LFNG: variants seen among roughly 807,000 people sequenced by gnomAD.
The protein encoded by LFNG is beta-1,3-N-acetylglucosaminyltransferase lunatic fringe.
LFNG carries 15 observed loss-of-function variants against 32.7 expected under a neutral mutation model. The observed-to-expected ratio is 0.46, with a 90% CI of 0.31 to 0.71. The LOEUF (loss-of-function observed/expected upper bound fraction) is 0.71, where lower values mean the gene tolerates loss of function less well. LFNG is among the 30% of genes least tolerant of loss of function. The pLI, the probability that LFNG is intolerant of heterozygous loss-of-function variation, is 0.06. For missense variants in LFNG, 520 were observed against 545.7 expected (o/e 0.95, Z 0.47); for synonymous variants, 274 against 246.8 (o/e 1.11, Z -1.03).
chr7:2,524,772 G>A, intron 2 of LFNG, 29 bp downstream of exon 2: 1 of 1,559,764 alleles, frequency 6.4e-7, no homozygotes, highest in Non-Finnish European at 8.7e-7. Flanking sequence ...GCGGGAGGGG[G>A]CCCAGGCCTC....
At chr7:2,521,133 G>T (rs1353425046) in intron 1 of LFNG, among the ~76,000 whole-genome samples, 1 of 152,148 alleles carries the variant, frequency 6.6e-6, no homozygotes, top group East Asian at 1.9e-4. Flanking sequence ...CTCAAACCCC[G>T]GAGACCCAGG....
In LFNG at chr7:2,519,858, C is replaced by A; in HGVS notation, c.-4C>A. The A allele has an allele frequency of 9.1e-7, 1 of 1,095,362 alleles. No homozygotes were observed. The highest frequency in any genetic ancestry group is 6.0e-5 in the East Asian group (1 of 16,710). The allele number at this position is 1,095,362 out of a possible 1,614,324, so 67.9% of individuals were successfully genotyped here. A position where few individuals can be genotyped will look rare whatever the true frequency, so the allele number is the denominator to read the frequency against. On this transcript the variant is annotated 5_prime_UTR_variant, in exon 1 of 8. Transcript: ENST00000222725. ...AGGGCGCGCCGCGCGGCCGCCACCC[C>A]ACCATGCTCAAGCGCTGCGGCCGGC...
upstream of LFNG, among the ~76,000 whole-genome samples, chr7:2,516,207 C>A (rs923158362): frequency 7.2e-5 from 11 of 152,256 alleles, no homozygotes; most frequent in African/African-American, 2.7e-4. Context: ...GAGTTTCCAT[C>A]TCTGGGCACT....
chr7:2,528,051 G>T lies in LFNG; in HGVS notation c.*839G>T. The T allele has an allele frequency of 1.1e-6, 1 of 888,090 alleles. No individual in the cohort carries two copies. Among genetic ancestry groups the T allele is most frequent in the Non-Finnish European group, 1.3e-6 (1 of 767,720 alleles). The allele number at this position is 888,090 out of a possible 1,614,324, so 55.0% of individuals were successfully genotyped here. A position where few individuals can be genotyped will look rare whatever the true frequency, so the allele number is the denominator to read the frequency against. On this transcript the variant is annotated 3_prime_UTR_variant, in exon 8 of 8. Transcript: ENST00000222725. ...AAAGGGGATGGGTAAAAAGTAGGGT[G>T]TTCTTGTTTTTTGCTTGGGAGGGTG...
rs1201303882 is a variant in LFNG, at chr7:2,525,771, G to A, written c.821+1G>A. The A allele has an allele frequency of 1.2e-6, 2 of 1,610,814 alleles. No individual in the cohort carries two copies. The highest frequency in any genetic ancestry group is 8.5e-7 in the Non-Finnish European group (1 of 1,179,666). On this transcript the variant is annotated splice_donor_variant, in intron 5 of 7. Transcript: ENST00000222725. LOFTEE classifies it high-confidence loss of function. ...CTCTGAAGATGAGCCCGTGGGCCAG[G>A]TGAGTGCCCTGCACAGGTTAGGCCA...
upstream of LFNG, among the ~76,000 whole-genome samples, chr7:2,515,233 A>ATTCAT (rs1779601105): frequency 3.1e-5 from 4 of 128,656 alleles, no homozygotes; most frequent in African/African-American, 1.4e-4. Context: ...CATCCATCCA[A>ATTCAT]CCATCCATCC....
At position 2,528,303 on chromosome 7, in the gene LFNG, T is replaced by G; in HGVS notation, c.*1091T>G. The G allele has an allele frequency of 2.0e-6, 2 of 986,084 alleles. No individual in the cohort carries two copies. The highest frequency in any genetic ancestry group is 2.3e-4 in the East Asian group (2 of 8,814). The allele number at this position is 986,084 out of a possible 1,614,324, so 61.1% of individuals were successfully genotyped here. A position where few individuals can be genotyped will look rare whatever the true frequency, so the allele number is the denominator to read the frequency against. ...CACCTGTCCCGTGGGCTGTGTTTCT[T>G]GTTGTTTTTCTCTTTGCAAAGACAT... is the stretch of plus-strand genomic sequence containing the variant. On this transcript the variant is annotated 3_prime_UTR_variant, in exon 8 of 8. Coordinates refer to ENST00000222725, the MANE Select transcript of LFNG (RefSeq NM_001040167.2).
chr7:2,525,611 C>T, intron 4 of LFNG, 44 bp downstream of exon 4: 3 of 1,612,058 alleles, frequency 1.9e-6, no homozygotes, highest in Non-Finnish European at 2.5e-6. Context: ...ACGCGGAGCG[C>T]ACACCCGGAG....
upstream of LFNG, among the ~76,000 whole-genome samples, chr7:2,517,428 C>A (rs997591175): frequency 3.3e-5 from 5 of 152,054 alleles, no homozygotes; most frequent in African/African-American, 1.2e-4. Flanking sequence ...ATGCATGTGC[C>A]CCTGCCAGGC....
At chr7:2,517,242 G>T (rs111518842), upstream of LFNG, among the ~76,000 whole-genome samples, 2 of 152,138 alleles carry the variant, frequency 1.3e-5, no homozygotes, top group Non-Finnish European at 2.9e-5. Flanking sequence ...AAGTCACCAC[G>T]AAATTCCATT....
At chr7:2,512,759 C>T (rs955076393) in intron 1 of LFNG, 15 of 1,533,900 alleles carry the variant, frequency 9.8e-6, no homozygotes, top group African/African-American at 4.1e-5. Flanking sequence ...CCCTCTTGCT[C>T]GTGAACCTGG....
At chr7:2,521,412 G>A (rs1180992470) in intron 1 of LFNG, among the ~76,000 whole-genome samples, 1 of 152,218 alleles carries the variant, frequency 6.6e-6, no homozygotes, top group South Asian at 2.1e-4. Flanking sequence ...CTCTCACGCC[G>A]GCCCCTTGGG....
chr7:2,527,423 CT>C lies in LFNG; in HGVS notation c.*213del, dbSNP rs2128378463. 2 of 1,455,230 alleles carry C rather than the reference CT, an allele frequency of 1.4e-6. No individual in the cohort carries two copies. Among genetic ancestry groups the C allele is most frequent in the African/African-American group, 2.8e-5 (2 of 71,070 alleles). 90.1% of individuals were successfully genotyped at this position (1,455,230 alleles called of 1,614,324 possible). ...TGTGGAGGGGCGGGCACCAGCGCCA[CT>C]TATGTGCCTCTGCTCCGAGGGCCAG... is the stretch of plus-strand genomic sequence containing the variant. On this transcript the variant is annotated 3_prime_UTR_variant, in exon 8 of 8. Transcript: ENST00000222725. This position sits in a 1 kb window ranked among gnomAD's most constrained non-coding sequence, Gnocchi z 4.4.
chr7:2,527,108 G>C lies in LFNG; in HGVS notation c.1074-38G>C. On this transcript the variant is annotated intron_variant, in intron 7 of 7. Transcript: ENST00000222725. The surrounding 1 kb of genome is among the most constrained non-coding windows in gnomAD (Gnocchi z 4.4). Reference sequence around the variant, plus strand: ...GCAAATGGGAGCTCAGCACCTGCCTGCCACCCACGCAGACCAGCCCCTGCT... The same window carrying C: ...GCAAATGGGAGCTCAGCACCTGCCTCCCACCCACGCAGACCAGCCCCTGCT... The C allele has an allele frequency of 6.3e-7, 1 of 1,596,202 alleles. No homozygotes were observed. The highest frequency in any genetic ancestry group is 1.1e-5 in the South Asian group (1 of 90,692).
chr7:2,525,102 G>T (rs1779918296), intron 2 of LFNG, 117 bp from the exon 3 acceptor site: 1 of 927,848 alleles, frequency 1.1e-6, no homozygotes, highest in Non-Finnish European at 1.7e-6. Flanking sequence ...ACGGCCGCCG[G>T]GCCCAGCTTG....
At position 2,528,094 on chromosome 7, in the gene LFNG, T is replaced by C; in HGVS notation, c.*882T>C. ...GGAGGGTGGGGGTGGGGGAGGGTCT[T>C]ATTTTATCTTATCTTTTCTGTGGAT... On this transcript the variant is annotated 3_prime_UTR_variant, in exon 8 of 8. Transcript: ENST00000222725. 1.8e-6 allele frequency: 1 copy of C among 555,810 alleles called. No homozygotes were observed. The highest frequency in any genetic ancestry group is 2.3e-6 in the Non-Finnish European group (1 of 439,770). 34.4% of individuals were successfully genotyped at this position (555,810 alleles called of 1,614,324 possible). A position where few individuals can be genotyped will look rare whatever the true frequency, so the allele number is the denominator to read the frequency against.
chr7:2,524,837 TCAC>T, intron 2 of LFNG, 94 bp downstream of exon 2: 1 of 1,213,054 alleles, frequency 8.2e-7, no homozygotes, highest in Middle Eastern at 2.2e-4. Context: ...GGCCGAGAGG[TCAC>T]CAAGGGCAGG....
upstream of LFNG, chr7:2,513,129 T>C (rs766855953): frequency 6.2e-7 from 1 of 1,611,988 alleles, no homozygotes; most frequent in Non-Finnish European, 8.5e-7. Flanking sequence ...TAACCCCTGT[T>C]GAATCCTCAC....
At chr7:2,524,063 C>T (rs554045603) in intron 1 of LFNG, among the ~76,000 whole-genome samples, 22 of 152,258 alleles carry the variant, frequency 1.4e-4, no homozygotes, top group Admixed American at 8.5e-4. Context: ...TTAACTCGGC[C>T]GAGTTAAGGC....
Sources: gnomAD v4.1 joint callset for allele counts (sites outside exome capture counted in the v4.1 genomes callset) on GRCh38, gnomAD v4.1.1 for gene constraint, Gnocchi (gnomAD v3.1) non-coding constraint, MANE v1.5 for transcripts, NCBI Gene and HGNC (gene_info 2026-07-23, HGNC 2026-07-21) for gene names.